The following SMPDL3B variants were observed in gnomAD, a reference collection of about 807,000 sequenced individuals.
SMPDL3B encodes the protein sphingomyelin phosphodiesterase acid like 3B.
In SMPDL3B, 31 loss-of-function variants were observed where a neutral mutation model predicts 37.9. The observed-to-expected ratio is 0.82, with a 90% CI of 0.61 to 1.10. The LOEUF (loss-of-function observed/expected upper bound fraction) is 1.10, where lower values mean the gene tolerates loss of function less well. SMPDL3B is among the 50% of genes least tolerant of loss of function. The pLI, the probability that SMPDL3B is intolerant of heterozygous loss-of-function variation, is 0.00. For missense variants in SMPDL3B, 525 were observed against 597.8 expected (o/e 0.88, Z 1.27); for synonymous variants, 235 against 242.6 (o/e 0.97, Z 0.29).
chr1:27,940,400 C>A (rs917144351), intron 1 of SMPDL3B, among the ~76,000 whole-genome samples: 4 of 151,962 alleles, frequency 2.6e-5, no homozygotes, highest in Admixed American at 6.6e-5. Context: ...CCTTGTAGAA[C>A]CCCCCAGGAA....
chr1:27,953,210 C>T lies in SMPDL3B; in HGVS notation c.374-5C>T. ...ATATTTTGATATTTCACCCTTTCTTCCTAGATACTAAAGTCTATGCTGCTT... is the reference window on the plus strand; with the variant it reads ...ATATTTTGATATTTCACCCTTTCTTTCTAGATACTAAAGTCTATGCTGCTT... On this transcript the variant is annotated splice_region_variant and splice_polypyrimidine_tract_variant and intron_variant, in intron 3 of 7. Transcript: ENST00000373894. 3.1e-6 allele frequency: 5 copies of T among 1,605,956 alleles called. No homozygotes were observed. The highest frequency in any genetic ancestry group is 3.4e-6 in the Non-Finnish European group (4 of 1,177,236).
chr1:27,958,623 G>A lies in SMPDL3B; in HGVS notation c.1153G>A (p.Asp385Asn), dbSNP rs942289289. Residue 385 changes from aspartate to asparagine, a missense_variant, in exon 8 of 8, where the codon GAC becomes AAC. Asp to Asn is a conservative substitution (Grantham distance 23). Coordinates refer to ENST00000373894, the MANE Select transcript of SMPDL3B (RefSeq NM_014474.4). The surrounding 1 kb of genome is among the most constrained non-coding windows in gnomAD (Gnocchi z 5.6). ...MHTVLDRIAGDQSTLQRYYVY... is the reference protein window; with the variant it reads ...MHTVLDRIAGNQSTLQRYYVY... The stretch of plus-strand genomic sequence containing the variant: ...CACAGTGCTGGACCGCATCGCTGGC[G>A]ACCAGAGCACACTGCAGCGCTACTA... The A allele has an allele frequency of 1.9e-6, 3 of 1,613,628 alleles. No homozygotes were observed. Among genetic ancestry groups the A allele is most frequent in the East Asian group, 2.2e-5 (1 of 44,876 alleles).
At position 27,953,501 on chromosome 1, in the gene SMPDL3B, G is replaced by T. The variant is rs11577165; in HGVS notation, c.517+143G>T. Reference sequence around the variant, plus strand: ...AGCCAGGGTCATACAGCTTAGAAAAGGCAGTCTTGGGAGCAGACTCCAGAA... The same window carrying T: ...AGCCAGGGTCATACAGCTTAGAAAATGCAGTCTTGGGAGCAGACTCCAGAA... On this transcript the variant is annotated intron_variant, in intron 4 of 7. Transcript: ENST00000373894. The T allele has an allele frequency of 9.8e-6, 7 of 714,936 alleles. No individual in the cohort carries two copies. The East Asian group carries it at 1.1e-4, about 11-fold the overall frequency. The allele number at this position is 714,936 out of a possible 1,614,324, so 44.3% of individuals were successfully genotyped here.
At chr1:27,944,739 T>A (rs914283440) in intron 1 of SMPDL3B, among the ~76,000 whole-genome samples, 43 of 151,906 alleles carry the variant, frequency 2.8e-4, no homozygotes, top group Non-Finnish European at 5.0e-4. Flanking sequence ...TTCTTTTTTT[T>A]TTTTTTTAAT....
At chr1:27,952,579 T>C (rs767336726) in intron 3 of SMPDL3B, among the ~76,000 whole-genome samples, 1 of 152,198 alleles carries the variant, frequency 6.6e-6, no homozygotes, top group Non-Finnish European at 1.5e-5. Flanking sequence ...CCAGGCCTCA[T>C]TCACAGGCCC....
At chr1:27,956,237 T>C (rs773346547) in intron 7 of SMPDL3B, 155 bp downstream of exon 7, 120 of 1,560,770 alleles carry the variant, frequency 7.7e-5, no homozygotes, top group Non-Finnish European at 1.0e-4. Flanking sequence ...ATCAGAACCC[T>C]GGAGGCACCT....
chr1:27,948,056 G>A (rs796288995), intron 2 of SMPDL3B, among the ~76,000 whole-genome samples: 22 of 152,280 alleles, frequency 1.4e-4, no homozygotes, highest in African/African-American at 4.8e-4. Context: ...CAGTGGCTGT[G>A]AGCATAGACT....
chr1:27,944,084 TCAC>T (rs1428979580), intron 1 of SMPDL3B, among the ~76,000 whole-genome samples: 1 of 151,420 alleles, frequency 6.6e-6, no homozygotes, highest in East Asian at 1.9e-4. Context: ...CTACTCCATC[TCAC>T]CTGTTTCTTT....
intron 5 of SMPDL3B, 78 bp downstream of exon 5, chr1:27,954,604 AC>A: frequency 7.1e-7 from 1 of 1,418,346 alleles, no homozygotes; most frequent in Non-Finnish European, 9.8e-7. Flanking sequence ...AAACTCACCC[AC>A]CCACCCAAAG....
At chr1:27,940,750 G>A (rs1024965649) in intron 1 of SMPDL3B, among the ~76,000 whole-genome samples, 2 of 152,178 alleles carry the variant, frequency 1.3e-5, no homozygotes, top group African/African-American at 4.8e-5. Flanking sequence ...CAAGCAGTGC[G>A]AATGTAGAAA....
rs1344639797 is a variant in SMPDL3B at position 27,945,216 on chromosome 1, GT to G, written c.62-10del. 5.0e-6 allele frequency: 8 copies of G among 1,613,192 alleles called. No homozygotes were observed. The highest frequency in any genetic ancestry group is 5.9e-6 in the Non-Finnish European group (7 of 1,179,204). On this transcript the variant is annotated splice_polypyrimidine_tract_variant and intron_variant, in intron 1 of 7. Coordinates refer to ENST00000373894, the MANE Select transcript of SMPDL3B (RefSeq NM_014474.4). The surrounding 1 kb of genome is among the most constrained non-coding windows in gnomAD (Gnocchi z 4.0). ...AGAGAGACCAGCTTTGAAGGAGGAT[GT>G]TTTTTCCCCTGCAGGGAAGTTCTGG...
chr1:27,951,470 A>C (rs142123242), intron 3 of SMPDL3B, among the ~76,000 whole-genome samples: 39 of 152,234 alleles, frequency 2.6e-4, no homozygotes, highest in African/African-American at 8.4e-4. Context: ...AACTTTACCC[A>C]CCAGAGTCAG....
intron 3 of SMPDL3B, among the ~76,000 whole-genome samples, chr1:27,952,180 C>CTTAAATGGA (rs2090460599): frequency 7.2e-6 from 1 of 139,646 alleles, no homozygotes. Context: ...TTTTTTTTTT[C>CTTAAATGGA]TTAAATGGAT....
In SMPDL3B at chr1:27,953,350, T is replaced by C; in HGVS notation, c.509T>C (p.Phe170Ser). ...PWLSNESIAL[F>S]KKGAFYCEKL... ...CTTAGTAATGAGTCCATCGCTCTCTTCAAAAAAGGTACCAACACCACCTGC... is the reference window on the plus strand; with the variant it reads ...CTTAGTAATGAGTCCATCGCTCTCTCCAAAAAAGGTACCAACACCACCTGC... Residue 170 changes from phenylalanine (F) to serine (S), a missense_variant, in exon 4 of 8, where the codon TTC (phenylalanine) becomes TCC (serine). By Grantham distance (155) the Phe-to-Ser change is radical. Coordinates refer to ENST00000373894, the MANE Select transcript of SMPDL3B (RefSeq NM_014474.4). 1 of 1,609,020 alleles carries C rather than the reference T, an allele frequency of 6.2e-7. No individual in the cohort carries two copies.
intron 1 of SMPDL3B, among the ~76,000 whole-genome samples, chr1:27,938,676 G>T (rs990021910): frequency 6.6e-6 from 1 of 152,186 alleles, no homozygotes; most frequent in Non-Finnish European, 1.5e-5. Context: ...AAAGCCTTAG[G>T]CATTCATTAG....
chr1:27,955,599 G>A, intron 5 of SMPDL3B, 85 bp from the exon 6 acceptor site: 3 of 1,375,648 alleles, frequency 2.2e-6, no homozygotes, highest in Non-Finnish European at 3.0e-6. Flanking sequence ...ACCTGCCTTT[G>A]GGGCAATTTG....
In SMPDL3B at chr1:27,953,461, A is replaced by G. The variant is rs934279573; in HGVS notation, c.517+103A>G. ...AGAATAAGTACTGATTTTATCCCCA[A>G]TTTACAGATAAGGAAGCCAGGGTCA... On this transcript the variant is annotated intron_variant, in intron 4 of 7. Transcript: ENST00000373894. The G allele has an allele frequency of 3.1e-5, 33 of 1,069,740 alleles. No individual in the cohort carries two copies. The Admixed American group carries it at 6.2e-4, about 20-fold the overall frequency. The allele number at this position is 1,069,740 out of a possible 1,614,324, so 66.3% of individuals were successfully genotyped here. A position where few individuals can be genotyped will look rare whatever the true frequency, so the allele number is the denominator to read the frequency against.
chr1:27,946,657 G>C (rs566703666), intron 2 of SMPDL3B, among the ~76,000 whole-genome samples: 10 of 152,306 alleles, frequency 6.6e-5, no homozygotes, highest in African/African-American at 1.9e-4. Context: ...TGGTGGAGCA[G>C]GGGAGCTCTC....
Position 27,945,162 on chromosome 1 carries a change from C to A in SMPDL3B, c.62-70C>A. On this transcript the variant is annotated intron_variant, in intron 1 of 7. Coordinates refer to ENST00000373894, the MANE Select transcript of SMPDL3B (RefSeq NM_014474.4). The surrounding 1 kb of genome is among the most constrained non-coding windows in gnomAD (Gnocchi z 4.0). ...AACGCCCCTGCCCCAGCCCAGGGCT[C>A]CCCTGGACTTCCTTGCTTCCAGGCT... The A allele has an allele frequency of 6.8e-7, 1 of 1,478,686 alleles. No homozygotes were observed. 91.6% of individuals were successfully genotyped at this position (1,478,686 alleles called of 1,614,324 possible).
Sources: gnomAD v4.1 joint callset for allele counts (sites outside exome capture counted in the v4.1 genomes callset) on GRCh38, gnomAD v4.1.1 for gene constraint, Gnocchi (gnomAD v3.1) non-coding constraint, MANE v1.5 for transcripts, NCBI Gene and HGNC (gene_info 2026-07-23, HGNC 2026-07-21) for gene names.